The following NEK10 variants were observed in gnomAD, a reference collection of about 807,000 sequenced individuals.
NEK10 encodes the protein serine/threonine-protein kinase Nek10.
Under a neutral mutation model 159.8 loss-of-function variants are expected in NEK10, and 122 were observed. The observed-to-expected ratio is 0.76, with a 90% CI of 0.66 to 0.89. The LOEUF (loss-of-function observed/expected upper bound fraction) is 0.89, where lower values mean the gene tolerates loss of function less well. Ranked by LOEUF, NEK10 falls within the 40% of genes least tolerant of loss-of-function variation. The pLI is 0.00. For synonymous variants in NEK10, 466 were observed against 457.1 expected, an observed-to-expected ratio of 1.02 and a Z score of -0.25; for missense variants, 1,342 against 1,323.1, an observed-to-expected ratio of 1.01 and a Z score of -0.22.
At chr3:27,363,358 A>C (rs1296702872) in intron 1 of NEK10, among the ~76,000 whole-genome samples, 4 of 152,240 alleles carry the variant, frequency 2.6e-5, no homozygotes, top group Non-Finnish European at 5.9e-5. Context: ...AGTCAAGCAT[A>C]TGGAGGACAG....
intron 35 of NEK10, among the ~76,000 whole-genome samples, chr3:27,114,520 C>T (rs1187751032): frequency 3.3e-5 from 5 of 152,038 alleles, no homozygotes; most frequent in Admixed American, 2.0e-4. Flanking sequence ...ACTTGTGACT[C>T]ATAAGAAAAA....
At chr3:27,247,975 C>T (rs1261828716) in intron 23 of NEK10, among the ~76,000 whole-genome samples, 3 of 151,980 alleles carry the variant, frequency 2.0e-5, no homozygotes, top group African/African-American at 7.2e-5. Flanking sequence ...CATCTGGTAG[C>T]ATTCAACAGT....
At chr3:27,315,406 C>T (rs2045076037) in intron 6 of NEK10, among the ~76,000 whole-genome samples, 1 of 152,104 alleles carries the variant, frequency 6.6e-6, no homozygotes, top group African/African-American at 2.4e-5. Flanking sequence ...ACTGAACACA[C>T]TTACATCTAA....
chr3:27,209,362 G>T (rs1174236731), intron 23 of NEK10, among the ~76,000 whole-genome samples: 1 of 152,100 alleles, frequency 6.6e-6, no homozygotes, highest in African/African-American at 2.4e-5. Context: ...CACTATCTAT[G>T]GTTTTCTGCA....
At chr3:27,353,162 C>T (rs2048092572) in intron 1 of NEK10, among the ~76,000 whole-genome samples, 1 of 152,092 alleles carries the variant, frequency 6.6e-6, no homozygotes, top group Admixed American at 6.6e-5. Flanking sequence ...TGCCAGTAGA[C>T]AAAGAACAAT....
At chr3:27,187,233 A>T (rs1259512796) in intron 26 of NEK10, among the ~76,000 whole-genome samples, 1 of 152,144 alleles carries the variant, frequency 6.6e-6, no homozygotes, top group African/African-American at 2.4e-5. Flanking sequence ...CCCCTCTCTC[A>T]TCGACATGGG....
chr3:27,268,662 C>T (rs572913636), intron 22 of NEK10, among the ~76,000 whole-genome samples: 50 of 152,318 alleles, frequency 3.3e-4, no homozygotes, highest in Non-Finnish European at 5.1e-4. Flanking sequence ...GTTGACAATA[C>T]ACCTCATCAC....
chr3:27,186,434 T>C (rs1159644708), intron 26 of NEK10, among the ~76,000 whole-genome samples: 5 of 152,168 alleles, frequency 3.3e-5, no homozygotes, highest in Non-Finnish European at 7.4e-5. Context: ...GAGCTCAAAA[T>C]AAGAGCCTGC....
At chr3:27,347,569 T>G (rs1252679191) in intron 3 of NEK10, among the ~76,000 whole-genome samples, 2 of 151,946 alleles carry the variant, frequency 1.3e-5, no homozygotes, top group African/African-American at 4.8e-5. Context: ...GCCTGACTTT[T>G]TATAATGTCA....
chr3:27,363,719 C>T (rs576400845), intron 1 of NEK10: 2 of 152,214 alleles, frequency 1.3e-5, no homozygotes, highest in South Asian at 4.1e-4. Flanking sequence ...AATAAGGTTT[C>T]CTAAAGGAAA....
In NEK10 at chr3:27,165,970, A is replaced by T. The variant is rs372583771; in HGVS notation, c.2832-3232T>A. On this transcript the variant is annotated intron_variant, in intron 29 of 35. Coordinates refer to ENST00000691995, the MANE Select transcript of NEK10 (RefSeq NM_001394966.1). ...CAAAGAAAACATTTTCAAATACATT[A>T]TAAGTGTATTCCATCATTTAATTCA... Among the ~76,000 whole-genome samples, 3 of 152,370 alleles carry T rather than the reference A, an allele frequency of 2.0e-5. No homozygotes were observed. The South Asian group carries it at 6.2e-4, about 32-fold the overall frequency.
intron 5 of NEK10, among the ~76,000 whole-genome samples, chr3:27,335,764 T>C (rs541126488): frequency 6.6e-6 from 1 of 152,268 alleles, no homozygotes; most frequent in Non-Finnish European, 1.5e-5. Context: ...TGAATGACCA[T>C]TGAGTCAATA....
intron 22 of NEK10, among the ~76,000 whole-genome samples, chr3:27,260,297 C>G (rs1273266846): frequency 6.6e-6 from 1 of 152,112 alleles, no homozygotes; most frequent in Admixed American, 6.5e-5. Flanking sequence ...TGTCTTGTGC[C>G]AGTTTTCAAA....
At chr3:27,121,282 G>A (rs1157655452) in intron 32 of NEK10, among the ~76,000 whole-genome samples, 1 of 152,168 alleles carries the variant, frequency 6.6e-6, no homozygotes, top group African/African-American at 2.4e-5. Flanking sequence ...TGGATACTCA[G>A]AGCAACACGG....
chr3:27,311,250 C>G (rs1370619705), intron 8 of NEK10: 1 of 356,918 alleles, frequency 2.8e-6, no homozygotes, highest in Non-Finnish European at 5.0e-6. Flanking sequence ...TATAAAAATA[C>G]CAAAAAAGGC....
At chr3:27,313,134 G>A (rs6798844) in intron 7 of NEK10, among the ~76,000 whole-genome samples, 6,968 of 151,290 alleles carry the variant, frequency 0.046, 286 homozygotes, top group African/African-American at 0.11. Context: ...GCATGGTGGC[G>A]CATGCCTGTA....
chr3:27,221,722 C>T (rs1289929642), intron 23 of NEK10, among the ~76,000 whole-genome samples: 1 of 152,208 alleles, frequency 6.6e-6, no homozygotes, highest in Admixed American at 6.5e-5. Context: ...TAGTATGTTA[C>T]AGCTTCTGGA....
chr3:27,134,550 T>A (rs1942984866), intron 31 of NEK10, among the ~76,000 whole-genome samples: 1 of 152,216 alleles, frequency 6.6e-6, no homozygotes, highest in African/African-American at 2.4e-5. Flanking sequence ...AGTATCAGAT[T>A]ATTAATTCAG....
At chr3:27,154,524 T>C (rs1018915693) in intron 30 of NEK10, among the ~76,000 whole-genome samples, 11 of 152,152 alleles carry the variant, frequency 7.2e-5, no homozygotes, top group Non-Finnish European at 1.5e-5. Flanking sequence ...AAATCCTTGA[T>C]GAATATAGAT....
Sources: allele counts gnomAD v4.1 joint callset (sites outside exome capture counted in the v4.1 genomes callset), GRCh38; gene constraint gnomAD v4.1.1; transcripts MANE v1.5; gene names NCBI Gene and HGNC (gene_info 2026-07-23, HGNC 2026-07-21).